ESRRG: variants seen among roughly 807,000 people sequenced by gnomAD.
The protein encoded by ESRRG is estrogen-related receptor gamma.
A neutral mutation model predicts 44.0 loss-of-function variants in ESRRG; 13 were observed. That is an observed-to-expected ratio of 0.30 (90% CI 0.19 to 0.47). The LOEUF is 0.47. ESRRG is among the 20% of genes least tolerant of loss of function. The pLI is 1.00. For missense variants in ESRRG, 395 were observed against 580.6 expected, an observed-to-expected ratio of 0.68 and a Z score of 3.29; for synonymous variants, 215 against 214.6, an observed-to-expected ratio of 1.00 and a Z score of -0.02.
chr1:216,868,044 A>G (rs2096198062), intron 2 of ESRRG, among the ~76,000 whole-genome samples: 1 of 147,442 alleles, frequency 6.8e-6, no homozygotes, highest in African/African-American at 2.5e-5. Flanking sequence ...CTCACTCAGC[A>G]TGAAGATTTG....
intron 2 of ESRRG, among the ~76,000 whole-genome samples, chr1:216,654,814 T>C (rs1220182487): frequency 6.6e-6 from 1 of 152,038 alleles, no homozygotes; most frequent in East Asian, 1.9e-4. Context: ...TAAAAATCCA[T>C]ACTGATATGA....
intron 1 of ESRRG, among the ~76,000 whole-genome samples, chr1:217,067,003 C>T (rs1046038631): frequency 3.9e-5 from 6 of 152,198 alleles, no homozygotes; most frequent in African/African-American, 1.4e-4. Context: ...AACTGAAACC[C>T]ATTGCCTAAC....
At chr1:216,738,809 A>G (rs2152207069) in intron 2 of ESRRG, among the ~76,000 whole-genome samples, 1 of 152,230 alleles carries the variant, frequency 6.6e-6, no homozygotes, top group African/African-American at 2.4e-5. Flanking sequence ...GCCTAGCAAA[A>G]TCTTACTTAT....
Position 216,524,832 on chromosome 1 carries a change from A to G in ESRRG, c.863-5411T>C, listed in dbSNP as rs548288815. ...ATAAGGGCAGAAGTGACCACCTTCC[A>G]TAAAACTGAGCAAATGATCTAAGCA... On this transcript the variant is annotated intron_variant, in intron 5 of 6. Transcript: ENST00000408911. 1.4e-4 allele frequency among the ~76,000 whole-genome samples: 22 copies of G among 152,326 alleles called. No homozygotes were observed. The East Asian group carries it at 3.1e-3, about 21-fold the overall frequency.
intron 1 of ESRRG, among the ~76,000 whole-genome samples, chr1:217,006,106 G>C: frequency 6.6e-6 from 1 of 152,076 alleles, no homozygotes; most frequent in East Asian, 1.9e-4. Context: ...CTTATAGAAT[G>C]AGTCCTTTTG....
intron 1 of ESRRG, among the ~76,000 whole-genome samples, chr1:217,134,426 G>A (rs1299207464): frequency 6.6e-6 from 1 of 152,188 alleles, no homozygotes; most frequent in African/African-American, 2.4e-5. Context: ...GAGGGCACAG[G>A]GCCCTGCGCG....
chr1:216,781,984 C>T (rs1488056926), intron 2 of ESRRG, among the ~76,000 whole-genome samples: 1 of 152,062 alleles, frequency 6.6e-6, no homozygotes, highest in Non-Finnish European at 1.5e-5. Context: ...GCGGTCACCT[C>T]AGCTGACAAA....
intron 2 of ESRRG, among the ~76,000 whole-genome samples, chr1:216,669,185 T>C (rs1042386553): frequency 2.0e-5 from 3 of 152,180 alleles, no homozygotes; most frequent in Admixed American, 2.0e-4. Flanking sequence ...CTAAGATATT[T>C]AAACTATTTA....
intron 1 of ESRRG, among the ~76,000 whole-genome samples, chr1:216,956,534 T>C (rs2067993304): frequency 6.6e-6 from 1 of 152,186 alleles, no homozygotes; most frequent in African/African-American, 2.4e-5. Context: ...TGAAGTCAGG[T>C]AGTGTGATGC....
intron 6 of ESRRG, among the ~76,000 whole-genome samples, chr1:216,508,214 C>G (rs11572828): frequency 0.21 from 32,553 of 152,050 alleles, 4,503 homozygotes; most frequent in Non-Finnish European, 0.31. Flanking sequence ...AATTTAAAAT[C>G]AAGTGGCTAA....
intron 1 of ESRRG, among the ~76,000 whole-genome samples, chr1:216,684,136 T>A (rs531544705): frequency 6.6e-6 from 1 of 152,326 alleles, no homozygotes; most frequent in Admixed American, 6.5e-5. Context: ...CACAGCAGCA[T>A]CCCATTTTAC....
At chr1:216,968,176 C>A (rs1292754500) in intron 1 of ESRRG, among the ~76,000 whole-genome samples, 1 of 151,996 alleles carries the variant, frequency 6.6e-6, no homozygotes, top group African/African-American at 2.4e-5. Context: ...TGTTTTCTCC[C>A]AGTCTTTGGC....
At chr1:217,107,728 G>A (rs536074747) in intron 1 of ESRRG, among the ~76,000 whole-genome samples, 27 of 152,208 alleles carry the variant, frequency 1.8e-4, no homozygotes, top group Non-Finnish European at 2.4e-4. Flanking sequence ...TTATGCACAA[G>A]GGCCATAGGA....
intron 1 of ESRRG, among the ~76,000 whole-genome samples, chr1:217,032,563 TC>T (rs1265111081): frequency 3.9e-5 from 6 of 152,200 alleles, no homozygotes; most frequent in Non-Finnish European, 5.9e-5. Flanking sequence ...CTCAACATGA[TC>T]CAGCTTCTAA....
intron 1 of ESRRG, among the ~76,000 whole-genome samples, chr1:217,100,663 C>A (rs958011497): frequency 1.3e-5 from 2 of 152,182 alleles, no homozygotes; most frequent in Non-Finnish European, 1.5e-5. Flanking sequence ...CTGGTGAGGC[C>A]TCAGGAAGCT....
chr1:216,590,271 C>T (rs996628448), intron 3 of ESRRG, among the ~76,000 whole-genome samples: 17 of 151,920 alleles, frequency 1.1e-4, no homozygotes, highest in East Asian at 9.6e-4. Context: ...AACCACAAAG[C>T]TACATACTTC....
intron 5 of ESRRG, among the ~76,000 whole-genome samples, chr1:216,525,591 T>C (rs1012717935): frequency 1.3e-5 from 2 of 152,170 alleles, no homozygotes; most frequent in African/African-American, 4.8e-5. Flanking sequence ...AAATAAGTTC[T>C]GCCTGGAAAG....
At chr1:216,812,200 G>A (rs1164283116) in intron 2 of ESRRG, among the ~76,000 whole-genome samples, 1 of 152,136 alleles carries the variant, frequency 6.6e-6, no homozygotes, top group Non-Finnish European at 1.5e-5. Context: ...TATGCTTAAA[G>A]AGTTACTATA....
chr1:217,123,529 T>C (rs1157890270), intron 1 of ESRRG, among the ~76,000 whole-genome samples: 1 of 152,044 alleles, frequency 6.6e-6, no homozygotes, highest in East Asian at 1.9e-4. Flanking sequence ...ATAGACTGGT[T>C]AAAGAAAATA....
Sources: gnomAD v4.1 joint callset for allele counts (sites outside exome capture counted in the v4.1 genomes callset) on GRCh38, gnomAD v4.1.1 for gene constraint, MANE v1.5 for transcripts, NCBI Gene and HGNC (gene_info 2026-07-23, HGNC 2026-07-21) for gene names.